The following GALNT9 variants were observed in gnomAD, a reference collection of about 807,000 sequenced individuals.
GALNT9 encodes GalNAc transferase 9.
Under a neutral mutation model 63.1 loss-of-function variants are expected in GALNT9, and 47 were observed. That is an observed-to-expected ratio of 0.75 (90% confidence interval 0.59 to 0.95). The LOEUF (loss-of-function observed/expected upper bound fraction) is 0.95, where lower values mean the gene tolerates loss of function less well. Ranked by LOEUF, GALNT9 falls within the 40% of genes least tolerant of loss-of-function variation. GALNT9 has a pLI of 0.00. For missense variants in GALNT9, 829 were observed against 874.8 expected, an observed-to-expected ratio of 0.95 and a Z score of 0.66; for synonymous variants, 396 against 365.7, an observed-to-expected ratio of 1.08 and a Z score of -0.94.
In GALNT9 at chr12:132,197,235, G is replaced by A. The variant is rs762100367; in HGVS notation, c.1684C>T (p.Arg562Trp). The change falls in exon 11 of 11, where the codon CGG (arginine) becomes TGG (tryptophan). Residue 562 changes from arginine to tryptophan, a missense_variant. Physicochemically the swap from Arg to Trp is moderately radical, Grantham distance 101 (BLOSUM62 -3). Coordinates refer to ENST00000328957, the MANE Select transcript of GALNT9 (RefSeq NM_001122636.2). The part of the protein sequence containing the change: ...DFTQSGPIVS[R>W]ATGRCLEVEM... ...ACCTCCAGGCAGCGGCCCGTGGCCC[G>A]GCTCACAATGGGGCCACTCTGTGGG... The A allele has an allele frequency of 9.3e-6, 15 of 1,612,122 alleles. No individual in the cohort carries two copies. The highest frequency in any genetic ancestry group is 3.3e-5 in the Admixed American group (2 of 59,920).
Position 132,304,119 on chromosome 12 carries a change from G to A in GALNT9, c.239-17689C>T, listed in dbSNP as rs531146603. The stretch of plus-strand genomic sequence containing the variant: ...CCCTCACCCAGACACAGCCTCACCC[G>A]GGCACACCCTCTCCGGGGCACACCC... On this transcript the variant is annotated intron_variant, in intron 1 of 10. Transcript: ENST00000328957. Among the ~76,000 whole-genome samples the A allele has an allele frequency of 5.9e-5, 2 of 33,666 alleles. 1 individual carries two copies. The highest frequency in any genetic ancestry group is 1.1e-4 in the Non-Finnish European group (2 of 18,814). The allele number at this position is 33,666 out of a possible 152,430, so 22.1% of individuals were successfully genotyped here. A position where few individuals can be genotyped will look rare whatever the true frequency, so the allele number is the denominator to read the frequency against.
At chr12:132,271,091 C>T (rs977842565) in intron 2 of GALNT9, among the ~76,000 whole-genome samples, 2 of 152,206 alleles carry the variant, frequency 1.3e-5, no homozygotes, top group Non-Finnish European at 2.9e-5. Flanking sequence ...ACGCTGCGCC[C>T]GTCACTCTGT....
chr12:132,284,937 G>A (rs915142498), intron 2 of GALNT9, among the ~76,000 whole-genome samples: 12 of 152,238 alleles, frequency 7.9e-5, no homozygotes, highest in Non-Finnish European at 1.5e-4. Flanking sequence ...CACACATGGG[G>A]AACCCCAGAG....
Position 132,201,113 on chromosome 12 carries a change from G to T in GALNT9, c.1401+11C>A. The T allele has an allele frequency of 6.2e-7, 1 of 1,611,682 alleles. No homozygotes were observed. The highest frequency in any genetic ancestry group is 1.1e-5 in the South Asian group (1 of 90,644). On this transcript the variant is annotated intron_variant, in intron 8 of 10. Coordinates refer to ENST00000328957, the MANE Select transcript of GALNT9 (RefSeq NM_001122636.2). ...TGTCGGGCCGAACGGGGCCCTCGGG[G>T]GAGGTGCTACCTCTCCGTACGTGAG... is the stretch of plus-strand genomic sequence containing the variant.
At chr12:132,290,157 C>T (rs1555242571) in intron 1 of GALNT9, among the ~76,000 whole-genome samples, 1 of 152,128 alleles carries the variant, frequency 6.6e-6, no homozygotes, top group African/African-American at 2.4e-5. Context: ...AGGGCTTGGT[C>T]TCTGAGCTGC....
At chr12:132,214,830 C>T (rs1389924969) in intron 6 of GALNT9, among the ~76,000 whole-genome samples, 2 of 152,234 alleles carry the variant, frequency 1.3e-5, no homozygotes, top group African/African-American at 2.4e-5. Context: ...CCAGGGCAGG[C>T]GGTGGCACCC....
In GALNT9 at chr12:132,201,022, G is replaced by A. The variant is rs534448119; in HGVS notation, c.1401+102C>T. Reference sequence around the variant, plus strand: ...CCTCTGGGGGAGGCGCTACCTCTCCGTGTGCATGTGGATGTGCCTGCATCA... The same window carrying A: ...CCTCTGGGGGAGGCGCTACCTCTCCATGTGCATGTGGATGTGCCTGCATCA... On this transcript the variant is annotated intron_variant, in intron 8 of 10. Transcript: ENST00000328957. 1.0e-5 allele frequency: 12 copies of A among 1,172,676 alleles called. No homozygotes were observed. The East Asian group carries it at 2.4e-4, about 24-fold the overall frequency. The allele number at this position is 1,172,676 out of a possible 1,614,324, so 72.6% of individuals were successfully genotyped here.
chr12:132,319,217 C>G lies in GALNT9; in HGVS notation c.238+9749G>C, dbSNP rs1333399356. 6.6e-6 allele frequency among the ~76,000 whole-genome samples: 1 copy of G among 152,134 alleles called. No homozygotes were observed. Among genetic ancestry groups the G allele is most frequent in the Non-Finnish European group, 1.5e-5 (1 of 68,038 alleles). ...AGTATTGCTTCCAGGTGCGTCTGTG[C>G]GAGATTTGAGTCTGAATCAGGGGGC... On this transcript the variant is annotated intron_variant, in intron 1 of 10. Coordinates refer to ENST00000328957, the MANE Select transcript of GALNT9 (RefSeq NM_001122636.2). The surrounding 1 kb of genome is among the most constrained non-coding windows in gnomAD (Gnocchi z 5.2).
intron 1 of GALNT9, among the ~76,000 whole-genome samples, chr12:132,320,784 G>A (rs1327520913): frequency 1.3e-5 from 2 of 152,260 alleles, no homozygotes; most frequent in Non-Finnish European, 2.9e-5. Flanking sequence ...CATCTCAGAG[G>A]CGAGGGGAGG....
intron 1 of GALNT9, among the ~76,000 whole-genome samples, chr12:132,297,015 C>G (rs1169278416): frequency 6.6e-6 from 1 of 152,058 alleles, no homozygotes; most frequent in African/African-American, 2.4e-5. Context: ...CCAACACAAC[C>G]AGCTCACTCC....
chr12:132,305,943 A>G (rs1881594725), intron 1 of GALNT9, among the ~76,000 whole-genome samples: 1 of 152,118 alleles, frequency 6.6e-6, no homozygotes, highest in African/African-American at 2.4e-5. Context: ...CACAGCCTTT[A>G]GGACAGTGGC....
intron 6 of GALNT9, among the ~76,000 whole-genome samples, chr12:132,215,515 C>T (rs1217108245): frequency 1.3e-5 from 2 of 152,358 alleles, no homozygotes; most frequent in African/African-American, 4.8e-5. Context: ...TTCCCAAGAG[C>T]GCTGCCATGC....
In GALNT9 at chr12:132,257,808, G is replaced by T. The variant is rs1244921510; in HGVS notation, c.840C>A (p.Ser280Arg). 3 of 1,550,410 alleles carry T rather than the reference G, an allele frequency of 1.9e-6. No individual in the cohort carries two copies. Among genetic ancestry groups the T allele is most frequent in the Non-Finnish European group, 8.7e-7 (1 of 1,146,860 alleles). Residue 280 changes from serine (S) to arginine (R), a missense_variant, in exon 5 of 11, where the codon AGC (serine) becomes AGA (arginine). By Grantham distance (110) the Ser-to-Arg change is moderately radical. Transcript: ENST00000328957. ...VLPAIDNIKYSTFEVQQYANA... is the reference protein window; with the variant it reads ...VLPAIDNIKYRTFEVQQYANA... ...TCGCATACTGCTGCACCTCAAACGTGCTGTACTTGATGTTGTCGATGGCTG... is the reference window on the plus strand; with the variant it reads ...TCGCATACTGCTGCACCTCAAACGTTCTGTACTTGATGTTGTCGATGGCTG...
At chr12:132,202,943 G>C (rs1442877200) in intron 7 of GALNT9, among the ~76,000 whole-genome samples, 1 of 152,182 alleles carries the variant, frequency 6.6e-6, no homozygotes, top group East Asian at 1.9e-4. Flanking sequence ...AGCCCAACAG[G>C]AAACAACCAA....
At chr12:132,326,707 A>T (rs1555246536) in intron 1 of GALNT9, among the ~76,000 whole-genome samples, 1 of 152,194 alleles carries the variant, frequency 6.6e-6, no homozygotes, top group African/African-American at 2.4e-5. Context: ...CTGAACTCGG[A>T]TGGATTAGTA....
In GALNT9 at chr12:132,316,683, C is replaced by A. The variant is rs149024550; in HGVS notation, c.238+12283G>T. Among the ~76,000 whole-genome samples the A allele has an allele frequency of 6.6e-6, 1 of 152,060 alleles. No homozygotes were observed. Among genetic ancestry groups the A allele is most frequent in the South Asian group, 2.1e-4 (1 of 4,836 alleles). ...GTGCTCTGTGTAGTCCCTCAGCCAC[C>A]CTTTCAGATCCGACAGGGACGCCCA... On this transcript the variant is annotated intron_variant, in intron 1 of 10. Coordinates refer to ENST00000328957, the MANE Select transcript of GALNT9 (RefSeq NM_001122636.2). This position sits in a 1 kb window ranked among gnomAD's most constrained non-coding sequence, Gnocchi z 4.3.
chr12:132,226,184 A>C (rs1309406270), intron 6 of GALNT9, among the ~76,000 whole-genome samples: 1 of 124,942 alleles, frequency 8.0e-6, no homozygotes, highest in East Asian at 2.5e-4. Flanking sequence ...TACACACCCC[A>C]CACACATACA....
intron 6 of GALNT9, among the ~76,000 whole-genome samples, chr12:132,208,391 G>A (rs528379272): frequency 2.7e-4 from 41 of 152,320 alleles, no homozygotes; most frequent in Admixed American, 8.5e-4. Flanking sequence ...AGCTGGACTC[G>A]CCTTCTGGCG....
intron 2 of GALNT9, among the ~76,000 whole-genome samples, chr12:132,263,895 A>G (rs1879499752): frequency 2.0e-5 from 3 of 152,140 alleles, no homozygotes; most frequent in Admixed American, 2.0e-4. Context: ...TTCTCCCTCC[A>G]TCACTAGGTC....
Sources: allele counts gnomAD v4.1 joint callset (sites outside exome capture counted in the v4.1 genomes callset), GRCh38; gene constraint gnomAD v4.1.1; non-coding constraint Gnocchi (gnomAD v3.1); transcripts MANE v1.5; gene names NCBI Gene and HGNC (gene_info 2026-07-23, HGNC 2026-07-21).